Variants in MIPOL1 observed in about 807,000 individuals in gnomAD.
MIPOL1 encodes mirror-image polydactyly 1, also known as mirror-image polydactyly gene 1 protein.
In MIPOL1, 57 loss-of-function variants were observed where a neutral mutation model predicts 60.9. The observed-to-expected ratio is 0.94, with a 90% CI of 0.76 to 1.17. The LOEUF is 1.17. Among genes scored for constraint, MIPOL1 ranks in the 50% most tolerant of loss-of-function variants. The probability of loss-of-function intolerance (pLI) is 0.00; values close to 1 mark genes in which losing one functional copy is unlikely to be tolerated. For missense variants in MIPOL1, 551 were observed against 511.6 expected (o/e 1.08, Z -0.74); for synonymous variants, 179 against 168.8 (o/e 1.06, Z -0.47).
intron 6 of MIPOL1, among the ~76,000 whole-genome samples, chr14:37,275,545 C>G (rs1313864898): frequency 6.6e-6 from 1 of 151,098 alleles, no homozygotes; most frequent in African/African-American, 2.4e-5. Flanking sequence ...ATAGCTTGTT[C>G]AATTAAACCT....
Position 37,308,089 on chromosome 14 carries a change from G to A in MIPOL1, c.657G>A (p.Met219Ile). 6.2e-7 allele frequency: 1 copy of A among 1,609,394 alleles called. No homozygotes were observed. Among genetic ancestry groups the A allele is most frequent in the East Asian group, 2.2e-5 (1 of 44,620 alleles). Reference sequence around the variant, plus strand: ...ATATTAACCCTGAAGAAAATGACATGGTAAGCCATTCTCTGAGGAGATTTC... The same window carrying A: ...ATATTAACCCTGAAGAAAATGACATAGTAAGCCATTCTCTGAGGAGATTTC... The part of the protein sequence containing the change: ...LENINPEEND[M>I]TLQELLNRIN... The change falls in exon 8 of 13, where the codon ATG becomes ATA. Residue 219 changes from methionine to isoleucine, a missense_variant and splice_region_variant. Transcript: ENST00000684589.
chr14:37,270,258 C>CT (rs2083194706), intron 5 of MIPOL1, among the ~76,000 whole-genome samples, 162 bp from the exon 6 acceptor site: 1 of 152,098 alleles, frequency 6.6e-6, no homozygotes, highest in Admixed American at 6.6e-5. Context: ...GTAATTATTA[C>CT]TTTATAAATA....
At chr14:37,278,484 A>G (rs2083843042) in intron 6 of MIPOL1, 1 of 151,790 alleles carries the variant, frequency 6.6e-6, no homozygotes, top group East Asian at 1.9e-4. Flanking sequence ...ATTCTTTCAT[A>G]TGTAGTAAAG....
At chr14:37,437,463 T>C (rs2094179540) in intron 11 of MIPOL1, among the ~76,000 whole-genome samples, 1 of 152,192 alleles carries the variant, frequency 6.6e-6, no homozygotes, top group African/African-American at 2.4e-5. Context: ...GATTTTGTCC[T>C]AGAAAGTTGG....
intron 11 of MIPOL1, among the ~76,000 whole-genome samples, chr14:37,446,911 C>A (rs1470992571): frequency 6.8e-6 from 1 of 147,278 alleles, no homozygotes; most frequent in Non-Finnish European, 1.5e-5. Flanking sequence ...GCATCACACT[C>A]TGGGGACTGT....
At chr14:37,277,402 T>TAA (rs2083750765) in intron 6 of MIPOL1, 1 of 151,402 alleles carries the variant, frequency 6.6e-6, no homozygotes, top group South Asian at 2.1e-4. Flanking sequence ...TCAGTACTGA[T>TAA]TTTAATGCTT....
intron 10 of MIPOL1, among the ~76,000 whole-genome samples, chr14:37,397,941 TG>T (rs2093407901): frequency 6.6e-6 from 1 of 152,194 alleles, no homozygotes. Context: ...CCCCAACCTG[TG>T]GAGTCTGCAC....
chr14:37,494,756 T>A (rs1228126305), intron 11 of MIPOL1, among the ~76,000 whole-genome samples: 1 of 152,238 alleles, frequency 6.6e-6, no homozygotes, highest in Non-Finnish European at 1.5e-5. Context: ...ATAGCATTTA[T>A]TATTTTTAAA....
rs187125049 is a variant in MIPOL1 at position 37,373,908 on chromosome 14, A to G, written c.936+4284A>G. Among the ~76,000 whole-genome samples the G allele has an allele frequency of 7.7e-4, 117 of 152,200 alleles. 1 individual carries two copies. The highest frequency in any genetic ancestry group is 2.8e-3 in the African/African-American group (117 of 41,530). ...CTTTGGGTATATACCCTGTAATGGG[A>G]TTGCTGGGCCAAATGGTATTTCTAG... On this transcript the variant is annotated intron_variant, in intron 10 of 12. Transcript: ENST00000684589.
At chr14:37,233,486 T>C (rs1162738141) in intron 1 of MIPOL1, among the ~76,000 whole-genome samples, 1 of 152,222 alleles carries the variant, frequency 6.6e-6, no homozygotes. Flanking sequence ...TTGGTAATGA[T>C]ACCAGCCATT....
At chr14:37,407,123 A>T (rs1208025460) in intron 10 of MIPOL1, among the ~76,000 whole-genome samples, 1 of 152,208 alleles carries the variant, frequency 6.6e-6, no homozygotes, top group African/African-American at 2.4e-5. Context: ...AAAAATAAAA[A>T]TATAGAGTTG....
intron 1 of MIPOL1, among the ~76,000 whole-genome samples, chr14:37,246,597 C>G (rs1176311421): frequency 6.6e-6 from 1 of 152,048 alleles, no homozygotes; most frequent in Non-Finnish European, 1.5e-5. Flanking sequence ...GTCAATGTTT[C>G]TTGTAATTAC....
chr14:37,258,634 A>G (rs1289195374), intron 3 of MIPOL1, among the ~76,000 whole-genome samples: 1 of 152,160 alleles, frequency 6.6e-6, no homozygotes, highest in Non-Finnish European at 1.5e-5. Flanking sequence ...TTATAAGTTA[A>G]TTATATAGCC....
At chr14:37,245,153 G>A (rs891313908) in intron 1 of MIPOL1, among the ~76,000 whole-genome samples, 4 of 152,016 alleles carry the variant, frequency 2.6e-5, no homozygotes, top group Non-Finnish European at 5.9e-5. Context: ...AGACTATGGG[G>A]CCTAAAAATT....
intron 12 of MIPOL1, among the ~76,000 whole-genome samples, chr14:37,517,181 A>G (rs1281972740): frequency 6.6e-6 from 1 of 152,228 alleles, no homozygotes; most frequent in Admixed American, 6.5e-5. Context: ...AGTTCAAAAC[A>G]TGGCTATAAG....
At chr14:37,336,245 C>A (rs186798070) in intron 9 of MIPOL1, among the ~76,000 whole-genome samples, 15 of 151,456 alleles carry the variant, frequency 9.9e-5, no homozygotes, top group Admixed American at 9.2e-4. Flanking sequence ...TACTTTTAGA[C>A]CCCACTATTC....
chr14:37,422,711 G>A (rs1468092726), intron 10 of MIPOL1, 144 bp from the exon 11 acceptor site: 1 of 560,604 alleles, frequency 1.8e-6, no homozygotes, highest in Non-Finnish European at 3.2e-6. Context: ...ACTATTTTCT[G>A]GTAACTTATG....
chr14:37,526,948 T>C (rs2095451599), intron 12 of MIPOL1, among the ~76,000 whole-genome samples: 2 of 152,194 alleles, frequency 1.3e-5, no homozygotes, highest in Admixed American at 1.3e-4. Context: ...AGTAAGTTGT[T>C]AGCCTTCCAG....
At chr14:37,435,258 A>G (rs887004389) in intron 11 of MIPOL1, among the ~76,000 whole-genome samples, 1 of 152,046 alleles carries the variant, frequency 6.6e-6, no homozygotes, top group Non-Finnish European at 1.5e-5. Context: ...AATAACTCAA[A>G]TATTCTAGGT....
Sources: allele counts gnomAD v4.1 joint callset (sites outside exome capture counted in the v4.1 genomes callset), GRCh38; gene constraint gnomAD v4.1.1; transcripts MANE v1.5; gene names NCBI Gene and HGNC (gene_info 2026-07-23, HGNC 2026-07-21).